The following SYT12 variants were observed in gnomAD, a reference collection of about 807,000 sequenced individuals.
SYT12 encodes the protein synaptotagmin-12.
SYT12 carries 27 observed loss-of-function variants against 39.5 expected under a neutral mutation model. That is an observed-to-expected ratio of 0.68 (90% CI 0.50 to 0.94). The LOEUF (loss-of-function observed/expected upper bound fraction) is 0.94. SYT12 is among the 40% of genes least tolerant of loss of function. The pLI, the probability that SYT12 is intolerant of heterozygous loss-of-function variation, is 0.00. For missense variants in SYT12, 536 were observed against 572.6 expected, an observed-to-expected ratio of 0.94 and a Z score of 0.65; for synonymous variants, 233 against 239.7, an observed-to-expected ratio of 0.97 and a Z score of 0.26.
intron 4 of SYT12, among the ~76,000 whole-genome samples, chr11:67,040,495 C>T (rs1025650436): frequency 3.3e-5 from 5 of 152,116 alleles, no homozygotes; most frequent in East Asian, 1.9e-4. Context: ...CATGGGGTCC[C>T]GGCAGAAAAG....
Position 67,034,736 on chromosome 11 carries a change from C to G in SYT12, c.126C>G (p.Leu42=), listed in dbSNP as rs766133777. The change falls in exon 3 of 8, where the codon CTC becomes CTG. Residue 42 remains leucine, a synonymous_variant. Transcript: ENST00000527043. The stretch of plus-strand genomic sequence containing the variant: ...TCGCAGCTGTGAGCCTGTGGAAGCT[C>G]TGGACGTCGGGGAGCTTCCCCAGCC... The part of the protein sequence containing the change: ...LGIAAVSLWK[L]WTSGSFPSPS... 1.9e-6 allele frequency: 3 copies of G among 1,604,350 alleles called. No homozygotes were observed. In the Admixed American group the frequency reaches 5.2e-5, roughly 28 times the overall value.
In SYT12 at chr11:67,040,075, G is replaced by A. The variant is rs777602751; in HGVS notation, c.493G>A (p.Ala165Thr). The A allele has an allele frequency of 1.7e-5, 28 of 1,613,952 alleles. 1 individual carries two copies. In the South Asian group the frequency reaches 2.9e-4, roughly 16 times the overall value. Reference sequence around the variant, plus strand: ...GGAGGTGAGCATGGAGTACGACACTGCCTCCCACACGCTGAACGTGGCGGT... The same window carrying A: ...GGAGGTGAGCATGGAGTACGACACTACCTCCCACACGCTGAACGTGGCGGT... ...QVEVSMEYDT[A>T]SHTLNVAVMQ... The change falls in exon 4 of 8, where the codon GCC (alanine) becomes ACC (threonine). Residue 165 changes from alanine to threonine, a missense_variant. Physicochemically the swap from Ala to Thr is moderately conservative, Grantham distance 58 (BLOSUM62 0). Coordinates refer to ENST00000527043, the MANE Select transcript of SYT12 (RefSeq NM_177963.4).
chr11:67,036,318 T>A (rs1282561676), intron 3 of SYT12, among the ~76,000 whole-genome samples: 1 of 152,236 alleles, frequency 6.6e-6, no homozygotes, highest in Non-Finnish European at 1.5e-5. Context: ...TTTTTGTACA[T>A]GTGCCATGAT....
At chr11:67,021,304 T>C (rs1258434317), upstream of SYT12, among the ~76,000 whole-genome samples, 1 of 152,002 alleles carries the variant, frequency 6.6e-6, no homozygotes, top group South Asian at 2.1e-4. Context: ...ACACCAGAAC[T>C]GGACCAGCCT....
chr11:67,009,547 C>T (rs139691370), intron 1 of SYT12, among the ~76,000 whole-genome samples: 14 of 152,312 alleles, frequency 9.2e-5, no homozygotes, highest in African/African-American at 3.4e-4. Context: ...CCACCACAGC[C>T]TCCGAAAGTG....
chr11:67,018,759 C>T (rs943488937), upstream of SYT12, among the ~76,000 whole-genome samples: 3 of 151,470 alleles, frequency 2.0e-5, no homozygotes, highest in East Asian at 5.8e-4. Context: ...GGAGGCGGAG[C>T]TTGCAGTGAG....
intron 7 of SYT12, among the ~76,000 whole-genome samples, chr11:67,047,678 C>T (rs886408758): frequency 8.1e-5 from 12 of 147,732 alleles, no homozygotes; most frequent in African/African-American, 1.2e-4. Flanking sequence ...CGTGGTGGCT[C>T]ATGCCTGTAA....
Position 67,048,829 on chromosome 11 carries a change from C to T in SYT12, c.*72C>T. The T allele has an allele frequency of 6.6e-7, 1 of 1,513,780 alleles. No homozygotes were observed. The allele number at this position is 1,513,780 out of a possible 1,614,324, so 93.8% of individuals were successfully genotyped here. A position where few individuals can be genotyped will look rare whatever the true frequency, so the allele number is the denominator to read the frequency against. On this transcript the variant is annotated 3_prime_UTR_variant, in exon 8 of 8. Transcript: ENST00000527043. The stretch of plus-strand genomic sequence containing the variant: ...CCCACTCAGCTCTGTCTGATGCCCT[C>T]TCCATAGCCCAGCTGGAGCCGTGAA...
chr11:67,035,665 G>C (rs1333873009), intron 3 of SYT12, among the ~76,000 whole-genome samples: 2 of 151,342 alleles, frequency 1.3e-5, no homozygotes, highest in Non-Finnish European at 3.0e-5. Flanking sequence ...CACCATGTTA[G>C]CCAGGATGGT....
chr11:67,022,827 A>G (rs2136200517), upstream of SYT12: 1 of 152,354 alleles, frequency 6.6e-6, no homozygotes, highest in East Asian at 1.9e-4. Context: ...GGTGGGAGGG[A>G]GTAATTATCC....
chr11:67,033,692 C>A (rs1007429378), intron 2 of SYT12, among the ~76,000 whole-genome samples: 1 of 152,314 alleles, frequency 6.6e-6, no homozygotes, highest in East Asian at 1.9e-4. Flanking sequence ...TTGAGACAGA[C>A]GCAGTACTAA....
intron 3 of SYT12, among the ~76,000 whole-genome samples, chr11:67,035,790 T>TTTTCC (rs1491375358): frequency 1.4e-5 from 1 of 73,228 alleles, no homozygotes; most frequent in Non-Finnish European, 2.7e-5. Flanking sequence ...TTTTCTTTTC[T>TTTTCC]TTCCTTCCTT....
upstream of SYT12, among the ~76,000 whole-genome samples, chr11:67,021,687 G>A (rs764520939): frequency 6.6e-6 from 1 of 152,060 alleles, no homozygotes; most frequent in Non-Finnish European, 1.5e-5. Flanking sequence ...CCAGAAACTC[G>A]GCCATTCATT....
intron 2 of SYT12, chr11:67,031,613 T>C: frequency 6.6e-6 from 1 of 152,238 alleles, no homozygotes; most frequent in East Asian, 1.9e-4. Flanking sequence ...GGTCTTCGCC[T>C]AGACCCCACT....
chr11:67,043,448 C>T (rs1436173796), intron 4 of SYT12, among the ~76,000 whole-genome samples, 190 bp from the exon 5 acceptor site: 1 of 152,114 alleles, frequency 6.6e-6, no homozygotes, highest in African/African-American at 2.4e-5. Context: ...CTAGATTGGC[C>T]GCCACTGAGG....
At position 67,039,871 on chromosome 11, in the gene SYT12, A is replaced by G; in HGVS notation, c.289A>G (p.Ser97Gly). Residue 97 changes from serine to glycine, a missense_variant, in exon 4 of 8, where the codon AGT becomes GGT. Coordinates refer to ENST00000527043, the MANE Select transcript of SYT12 (RefSeq NM_177963.4). ...STRGPPSRKG[S>G]LSIEDTFESI... ...GCGGGGACCACCCAGCCGCAAAGGC[A>G]GTCTCAGCATTGAGGACACCTTTGA... 1.2e-6 allele frequency: 2 copies of G among 1,613,552 alleles called. No individual in the cohort carries two copies. The highest frequency in any genetic ancestry group is 1.7e-6 in the Non-Finnish European group (2 of 1,180,026).
chr11:67,025,148 C>G (rs967338226), intron 1 of SYT12, among the ~76,000 whole-genome samples: 14 of 152,192 alleles, frequency 9.2e-5, no homozygotes, highest in Non-Finnish European at 2.9e-5. Flanking sequence ...GCTAGGTGAC[C>G]TGGGGCCCCA....
chr11:67,039,937 G>A lies in SYT12; in HGVS notation c.355G>A (p.Glu119Lys). 1 of 1,613,778 alleles carries A rather than the reference G, an allele frequency of 6.2e-7. No individual in the cohort carries two copies. Among genetic ancestry groups the A allele is most frequent in the Non-Finnish European group, 8.5e-7 (1 of 1,180,036 alleles). The change falls in exon 4 of 8, where the codon GAG becomes AAG. Residue 119 changes from glutamate to lysine, a missense_variant. Transcript: ENST00000527043. ...GGGGCCTCTGGAGCTGATGGGCCGG[G>A]AGTTGGACCTGGCCCCCTATGGGAC... ...ELGPLELMGR[E>K]LDLAPYGTLR...
intron 6 of SYT12, 66 bp downstream of exon 6, chr11:67,044,779 G>A: frequency 6.3e-7 from 1 of 1,597,194 alleles, no homozygotes; most frequent in Non-Finnish European, 8.6e-7. Flanking sequence ...CAGCTGCTGT[G>A]CTGTGGGCAC....
Sources: allele counts gnomAD v4.1 joint callset (sites outside exome capture counted in the v4.1 genomes callset), GRCh38; gene constraint gnomAD v4.1.1; transcripts MANE v1.5; gene names NCBI Gene and HGNC (gene_info 2026-07-23, HGNC 2026-07-21).